The following RBM20 variants were observed in gnomAD, a reference collection of about 807,000 sequenced individuals.
RBM20 encodes RNA-binding protein 20.
A neutral mutation model predicts 110.1 loss-of-function variants in RBM20; 51 were observed. The ratio of observed to expected loss-of-function variants is 0.46; its 90% CI spans 0.37 to 0.59. The LOEUF is 0.59. Among genes scored for constraint, RBM20 ranks in the 20% least tolerant of loss-of-function variants. The pLI, the probability that RBM20 is intolerant of heterozygous loss-of-function variation, is 0.00. For missense variants in RBM20, 1,512 were observed against 1,574.9 expected (o/e 0.96, Z 0.68); for synonymous variants, 589 against 618.2 (o/e 0.95, Z 0.70).
intron 1 of RBM20, among the ~76,000 whole-genome samples, chr10:110,690,992 C>A (rs1352325084): frequency 2.6e-5 from 4 of 152,160 alleles, no homozygotes; most frequent in African/African-American, 9.7e-5. Flanking sequence ...CCTCAAAATT[C>A]ATATGTTGAG....
At chr10:110,740,491 G>A (rs182766639) in intron 1 of RBM20, among the ~76,000 whole-genome samples, 2 of 152,246 alleles carry the variant, frequency 1.3e-5, no homozygotes, top group Admixed American at 1.3e-4. Context: ...GGAGGGGCAG[G>A]AGAGCTAGTG....
intron 1 of RBM20, among the ~76,000 whole-genome samples, chr10:110,673,232 G>T (rs1411472022): frequency 1.3e-5 from 2 of 150,816 alleles, no homozygotes; most frequent in Non-Finnish European, 2.9e-5. Flanking sequence ...TTTTTTCTGA[G>T]ACGGAGTCTT....
intron 1 of RBM20, among the ~76,000 whole-genome samples, chr10:110,660,870 A>T (rs1406902368): frequency 6.6e-6 from 1 of 152,180 alleles, no homozygotes; most frequent in Non-Finnish European, 1.5e-5. Context: ...TAGTCCATGG[A>T]AAAATTGTCT....
At chr10:110,699,529 CA>C (rs34422753) in intron 1 of RBM20, among the ~76,000 whole-genome samples, 1 of 151,758 alleles carries the variant, frequency 6.6e-6, no homozygotes, top group East Asian at 1.9e-4. Flanking sequence ...ACCTCAGCCA[CA>C]AAAAGTGCTG....
chr10:110,704,013 G>T (rs556421915), intron 1 of RBM20, among the ~76,000 whole-genome samples: 1 of 152,344 alleles, frequency 6.6e-6, no homozygotes, highest in African/African-American at 2.4e-5. Flanking sequence ...TCAGGAGGCT[G>T]AGGCAGGAGA....
chr10:110,803,589 C>G (rs145637106), intron 7 of RBM20, among the ~76,000 whole-genome samples: 119 of 152,214 alleles, frequency 7.8e-4, no homozygotes, highest in African/African-American at 2.7e-3. Context: ...GCGCAGAACA[C>G]ATTATTTTCT....
At chr10:110,675,559 A>T (rs939692275) in intron 1 of RBM20, among the ~76,000 whole-genome samples, 1 of 152,224 alleles carries the variant, frequency 6.6e-6, no homozygotes, top group African/African-American at 2.4e-5. Context: ...CGGGTAAGGT[A>T]TGTGGGCAAG....
chr10:110,764,397 T>A (rs1291308384), intron 1 of RBM20, among the ~76,000 whole-genome samples: 1 of 152,216 alleles, frequency 6.6e-6, no homozygotes, highest in African/African-American at 2.4e-5. Context: ...CAGACCTAGA[T>A]CCCTTCTTCT....
chr10:110,764,636 C>T (rs1389039193), intron 1 of RBM20, among the ~76,000 whole-genome samples: 1 of 151,104 alleles, frequency 6.6e-6, no homozygotes, highest in East Asian at 1.9e-4. Context: ...CGCTTGCATA[C>T]CCCCTCCGCT....
chr10:110,724,919 A>G (rs1843545117), intron 1 of RBM20, among the ~76,000 whole-genome samples: 1 of 152,096 alleles, frequency 6.6e-6, no homozygotes, highest in Non-Finnish European at 1.5e-5. Flanking sequence ...CATGCCTACC[A>G]TGTGTCAGGT....
chr10:110,729,453 C>T (rs1843597090), intron 1 of RBM20, among the ~76,000 whole-genome samples: 1 of 152,136 alleles, frequency 6.6e-6, no homozygotes, highest in Non-Finnish European at 1.5e-5. Context: ...TCTTATTTAC[C>T]CTTTCCTTTG....
intron 1 of RBM20, among the ~76,000 whole-genome samples, chr10:110,738,980 G>A (rs1213568277): frequency 6.6e-6 from 1 of 152,194 alleles, no homozygotes; most frequent in Non-Finnish European, 1.5e-5. Context: ...ACAAGAATTA[G>A]TAGGAAGCAT....
At chr10:110,794,822 A>G (rs1243479046) in intron 5 of RBM20, among the ~76,000 whole-genome samples, 1 of 152,216 alleles carries the variant, frequency 6.6e-6, no homozygotes, top group Non-Finnish European at 1.5e-5. Context: ...TTCAGCATGA[A>G]TGCTTCTCTT....
intron 5 of RBM20, among the ~76,000 whole-genome samples, 166 bp downstream of exon 5, chr10:110,785,055 C>A (rs1472277890): frequency 2.0e-5 from 3 of 152,192 alleles, no homozygotes; most frequent in Admixed American, 2.0e-4. Context: ...CTCGGTCAAC[C>A]AAAGTGCTGG....
Position 110,644,531 on chromosome 10 carries a change from T to C in RBM20, c.77T>C (p.Val26Ala). ...CAGCCGGACAGAGTTGCCTGCAGTG[T>C]GCCTGGTGCCCGGGCGTCCCCGGCA... ...PEQPDRVACS[V>A]PGARASPAPS... Residue 26 changes from valine to alanine, a missense_variant, in exon 1 of 14, where the codon GTG (valine) becomes GCG (alanine). Coordinates refer to ENST00000369519, the MANE Select transcript of RBM20 (RefSeq NM_001134363.3). This position sits in a 1 kb window ranked among gnomAD's most constrained non-coding sequence, Gnocchi z 4.3. 1 of 1,529,000 alleles carries C rather than the reference T, an allele frequency of 6.5e-7. No individual in the cohort carries two copies. The allele number at this position is 1,529,000 out of a possible 1,614,324, so 94.7% of individuals were successfully genotyped here.
chr10:110,699,429 G>A (rs554625626), intron 1 of RBM20, among the ~76,000 whole-genome samples: 10 of 151,760 alleles, frequency 6.6e-5, no homozygotes, highest in South Asian at 4.2e-4. Context: ...TGACCACCAC[G>A]CCTGGCTAAT....
chr10:110,811,583 C>G (rs1844768039), intron 8 of RBM20, among the ~76,000 whole-genome samples: 1 of 152,176 alleles, frequency 6.6e-6, no homozygotes, highest in East Asian at 1.9e-4. Context: ...GAACCTTACA[C>G]AGGTTGGGGT....
chr10:110,799,764 A>G (rs753592290), intron 6 of RBM20, 23 bp from the exon 7 acceptor site: 1 of 1,545,790 alleles, frequency 6.5e-7, no homozygotes, highest in South Asian at 1.2e-5. Context: ...AAGTCCAGTG[A>G]GTGTCCTTCC....
intron 10 of RBM20, among the ~76,000 whole-genome samples, chr10:110,820,388 C>G (rs1166732364): frequency 6.6e-6 from 1 of 152,210 alleles, no homozygotes; most frequent in East Asian, 1.9e-4. Flanking sequence ...ACCCACATGT[C>G]TGGGCTCTGC....
Sources: gnomAD v4.1 joint callset for allele counts (sites outside exome capture counted in the v4.1 genomes callset) on GRCh38, gnomAD v4.1.1 for gene constraint, Gnocchi (gnomAD v3.1) non-coding constraint, MANE v1.5 for transcripts, NCBI Gene and HGNC (gene_info 2026-07-23, HGNC 2026-07-21) for gene names.